Variants in SNRPN observed in about 807,000 individuals in gnomAD.
SNRPN encodes the protein small nuclear ribonucleoprotein polypeptide N.
A neutral mutation model predicts 25.2 loss-of-function variants in SNRPN; 7 were observed. The observed-to-expected ratio is 0.28, with a 90% CI of 0.16 to 0.52. The LOEUF is 0.52. Among genes scored for constraint, SNRPN ranks in the 20% least tolerant of loss-of-function variants. The pLI is 0.96. For missense variants in SNRPN, 196 were observed against 322.5 expected (o/e 0.61, Z 3.00); for synonymous variants, 124 against 110.6 (o/e 1.12, Z -0.76).
At chr15:24,891,426 G>A in intron 2 of SNRPN, among the ~76,000 whole-genome samples, 1 of 151,328 alleles carries the variant, frequency 6.6e-6, no homozygotes, top group Non-Finnish European at 1.5e-5. Context: ...GTATCATTGG[G>A]CCCAGTAGAG....
At chr15:24,892,276 G>A (rs897379134) in intron 2 of SNRPN, among the ~76,000 whole-genome samples, 1 of 152,192 alleles carries the variant, frequency 6.6e-6, no homozygotes, top group African/African-American at 2.4e-5. Flanking sequence ...AAGTTTAAGA[G>A]AAGAAGTCTG....
At chr15:24,923,918 TAAACA>T (rs1387519205) in intron 3 of SNRPN, among the ~76,000 whole-genome samples, 21 of 103,282 alleles carry the variant, frequency 2.0e-4, no homozygotes, top group African/African-American at 6.9e-4. Context: ...TGTGTGTATA[TAAACA>T]TTTTTTTTTT....
At position 24,973,588 on chromosome 15, in the gene SNRPN, C is replaced by T. The variant is rs2554427; in HGVS notation, c.-143-723C>T. Reference sequence around the variant, plus strand: ...AATTTTTTTGTATTTCTAGCAGAGACGGGATTTCACCATGTTGGCCAGGCT... The same window carrying T: ...AATTTTTTTGTATTTCTAGCAGAGATGGGATTTCACCATGTTGGCCAGGCT... On this transcript the variant is annotated intron_variant, in intron 3 of 9. Transcript: ENST00000390687. 9.7e-3 allele frequency among the ~76,000 whole-genome samples: 1,461 copies of T among 151,388 alleles called. 20 individuals are homozygous for T. The highest frequency in any genetic ancestry group is 0.032 in the African/African-American group (1,337 of 41,272).
At chr15:24,865,534 G>T (rs138878842) in intron 1 of SNRPN, among the ~76,000 whole-genome samples, 130 of 152,218 alleles carry the variant, frequency 8.5e-4, no homozygotes, top group African/African-American at 2.8e-3. Flanking sequence ...ATGGCTGTTG[G>T]AACAGAGGCT....
chr15:24,890,960 C>A (rs924876809), intron 2 of SNRPN, among the ~76,000 whole-genome samples: 1 of 151,990 alleles, frequency 6.6e-6, no homozygotes, highest in Non-Finnish European at 1.5e-5. Flanking sequence ...GCCCAGGCTG[C>A]AGTGCAGTGT....
At chr15:24,844,748 T>G (rs895211628) in intron 2 of SNRPN, among the ~76,000 whole-genome samples, 2 of 152,290 alleles carry the variant, frequency 1.3e-5, no homozygotes, top group African/African-American at 4.8e-5. Context: ...GGTCTTGAAC[T>G]CCTGACCTCA....
At chr15:24,956,356 G>GGGT (rs1555404328) in intron 1 of SNRPN, among the ~76,000 whole-genome samples, 3 of 149,642 alleles carry the variant, frequency 2.0e-5, no homozygotes, top group Non-Finnish European at 3.0e-5. Context: ...CGCTTCAGCG[G>GGGT]GGGGGTGGCC....
At chr15:24,825,627 A>T (rs956396026) in intron 1 of SNRPN, among the ~76,000 whole-genome samples, 1 of 152,102 alleles carries the variant, frequency 6.6e-6, no homozygotes, top group Non-Finnish European at 1.5e-5. Flanking sequence ...TGTGTTTAAC[A>T]TGCCTACCTT....
chr15:24,970,221 A>G (rs1333192779), intron 3 of SNRPN, among the ~76,000 whole-genome samples: 1 of 152,172 alleles, frequency 6.6e-6, no homozygotes, highest in East Asian at 1.9e-4. Flanking sequence ...ACAACATTTA[A>G]ACACTTCGTA....
At chr15:24,906,647 G>A (rs191104507) in intron 2 of SNRPN, among the ~76,000 whole-genome samples, 2 of 152,234 alleles carry the variant, frequency 1.3e-5, no homozygotes, top group East Asian at 3.9e-4. Context: ...ACTTCAGGGG[G>A]AAGAGGTCAA....
chr15:24,857,648 A>G (rs1205790213), intron 1 of SNRPN, among the ~76,000 whole-genome samples: 3 of 151,672 alleles, frequency 2.0e-5, no homozygotes, highest in African/African-American at 7.3e-5. Flanking sequence ...GTCGATGTCT[A>G]TTGTTTAGGC....
At chr15:24,900,248 G>A (rs925519912) in intron 2 of SNRPN, among the ~76,000 whole-genome samples, 3 of 152,144 alleles carry the variant, frequency 2.0e-5, no homozygotes, top group Non-Finnish European at 4.4e-5. Flanking sequence ...TTCAAGCCAC[G>A]GTTTGAAAAC....
At chr15:24,969,075 T>C (rs1209844253) in intron 3 of SNRPN, among the ~76,000 whole-genome samples, 1 of 152,168 alleles carries the variant, frequency 6.6e-6, no homozygotes, top group Non-Finnish European at 1.5e-5. Flanking sequence ...TTTGAAGTAT[T>C]ATCCTTCAAC....
At chr15:24,975,927 A>G (rs1350090410) in intron 5 of SNRPN, among the ~76,000 whole-genome samples, 1 of 152,124 alleles carries the variant, frequency 6.6e-6, no homozygotes, top group Non-Finnish European at 1.5e-5. Flanking sequence ...CACTGTTCCC[A>G]TTATTTCAGT....
At chr15:24,901,236 A>G (rs539756753) in intron 2 of SNRPN, among the ~76,000 whole-genome samples, 2 of 152,356 alleles carry the variant, frequency 1.3e-5, no homozygotes, top group South Asian at 2.1e-4. Context: ...TAACTTTGCC[A>G]AAGACACAAT....
At chr15:24,854,363 G>A (rs2053183633), upstream of SNRPN, among the ~76,000 whole-genome samples, 3 of 152,094 alleles carry the variant, frequency 2.0e-5, no homozygotes, top group Admixed American at 1.3e-4. Flanking sequence ...TGGCCATAAA[G>A]GGCCACCTTT....
At chr15:24,835,586 G>A (rs187996380) in intron 2 of SNRPN, among the ~76,000 whole-genome samples, 2 of 152,144 alleles carry the variant, frequency 1.3e-5, no homozygotes, top group Admixed American at 6.5e-5. Flanking sequence ...CATCAGAGTT[G>A]TCTATTCTGT....
intron 3 of SNRPN, among the ~76,000 whole-genome samples, chr15:24,928,193 T>G (rs1203217945): frequency 6.6e-6 from 1 of 152,122 alleles, no homozygotes; most frequent in Non-Finnish European, 1.5e-5. Flanking sequence ...AAACTACAAA[T>G]GGAACTACCC....
intron 2 of SNRPN, among the ~76,000 whole-genome samples, chr15:24,916,042 G>C (rs2059497242): frequency 6.9e-6 from 1 of 144,966 alleles, no homozygotes; most frequent in Admixed American, 7.2e-5. Flanking sequence ...CACAATCTCG[G>C]CTCACTGTAA....
Sources: gnomAD v4.1 joint callset for allele counts (sites outside exome capture counted in the v4.1 genomes callset) on GRCh38, gnomAD v4.1.1 for gene constraint, MANE v1.5 for transcripts, NCBI Gene and HGNC (gene_info 2026-07-23, HGNC 2026-07-21) for gene names.